ACSM1: variants seen among roughly 807,000 people sequenced by gnomAD.
ACSM1 encodes acyl-coenzyme A synthetase ACSM1, mitochondrial.
A neutral mutation model predicts 75.8 loss-of-function variants in ACSM1; 79 were observed. The observed-to-expected ratio is 1.04, with a 90% CI of 0.87 to 1.26. The LOEUF is 1.26. Ranked by LOEUF, ACSM1 falls within the 50% of genes most tolerant of loss-of-function variation. The pLI is 0.00. For synonymous variants in ACSM1, 279 were observed against 265.8 expected (o/e 1.05, Z -0.48); for missense variants, 676 against 720.1 (o/e 0.94, Z 0.70).
At position 20,627,407 on chromosome 16, in the gene ACSM1, C is replaced by T. The variant is rs2017009203; in HGVS notation, c.1300-91G>A. The stretch of plus-strand genomic sequence containing the variant: ...GGTTCCAATCTGGGTTTGAATTCTG[C>T]CTCTGTTTCTACTCGGTACCTGGGC... On this transcript the variant is annotated intron_variant, in intron 10 of 13. Coordinates refer to ENST00000520010, the MANE Select transcript of ACSM1 (RefSeq NM_001318890.3). 2.1e-6 allele frequency: 3 copies of T among 1,414,876 alleles called. No homozygotes were observed. In the South Asian group the frequency reaches 5.1e-5, roughly 24 times the overall value. 87.6% of individuals were successfully genotyped at this position (1,414,876 alleles called of 1,614,324 possible). A position where few individuals can be genotyped will look rare whatever the true frequency, so the allele number is the denominator to read the frequency against.
chr16:20,635,098 A>C (rs1409028585), intron 10 of ACSM1, among the ~76,000 whole-genome samples: 2 of 148,290 alleles, frequency 1.3e-5, no homozygotes, highest in Admixed American at 1.4e-4. Context: ...TGTCATGCTC[A>C]ATCAAAAAAA....
intron 7 of ACSM1, among the ~76,000 whole-genome samples, chr16:20,652,592 AT>A (rs1330412214): frequency 6.6e-6 from 1 of 152,204 alleles, no homozygotes; most frequent in Non-Finnish European, 1.5e-5. Context: ...TACCACAGAA[AT>A]ACAAACTACC....
intron 10 of ACSM1, among the ~76,000 whole-genome samples, chr16:20,627,727 G>A (rs977339302): frequency 6.6e-6 from 1 of 151,516 alleles, no homozygotes; most frequent in African/African-American, 2.4e-5. Flanking sequence ...TACTGGGGAG[G>A]CTGAGGCAGG....
intron 8 of ACSM1, among the ~76,000 whole-genome samples, chr16:20,637,848 G>T (rs2017817291): frequency 6.6e-6 from 1 of 152,228 alleles, no homozygotes. Flanking sequence ...ACTTGGGGCT[G>T]TTGAGCAGTG....
At chr16:20,637,233 A>G in intron 9 of ACSM1, 138 bp downstream of exon 9, 1 of 823,672 alleles carries the variant, frequency 1.2e-6, no homozygotes, top group Non-Finnish European at 2.1e-6. Flanking sequence ...CCTCCATATG[A>G]AACTGAAGGG....
chr16:20,681,855 A>G (rs973414148), intron 4 of ACSM1: 51 of 157,210 alleles, frequency 3.2e-4, no homozygotes, highest in African/African-American at 1.2e-3. Flanking sequence ...TTCCGTCTGT[A>G]GCTAGTGAGC....
intron 5 of ACSM1, among the ~76,000 whole-genome samples, chr16:20,671,295 G>A (rs1253547869): frequency 2.6e-5 from 4 of 152,038 alleles, no homozygotes; most frequent in African/African-American, 7.3e-5. Context: ...AAACCTAAAT[G>A]TGCCTCCTTT....
chr16:20,669,189 C>T lies in ACSM1; in HGVS notation c.912+638G>A, dbSNP rs766327677. 5.9e-5 allele frequency among the ~76,000 whole-genome samples: 9 copies of T among 152,064 alleles called. No individual in the cohort carries two copies. In the South Asian group the frequency reaches 8.3e-4, roughly 14 times the overall value. On this transcript the variant is annotated intron_variant, in intron 6 of 13. Transcript: ENST00000520010. ...CTCATCATAACAATAGCAGCAGCAG[C>T]TCCCACAGATAGAGTGTTTTCTATG...
At chr16:20,633,784 C>T (rs2017492074) in intron 10 of ACSM1, among the ~76,000 whole-genome samples, 3 of 152,148 alleles carry the variant, frequency 2.0e-5, no homozygotes, top group African/African-American at 7.2e-5. Context: ...AATCCCAGCA[C>T]TTTGGGAAGC....
In ACSM1 at chr16:20,683,701, TTCTC is replaced by T. The variant is rs1201861529; in HGVS notation, c.404-1242_404-1239del. ...CACGCCTGGCTAATTCTTTCTTTCTTTCTCTCTCTCTCTCTCTTTCTTTCTTTCT... is the reference window on the plus strand; with the variant it reads ...CACGCCTGGCTAATTCTTTCTTTCTTTCTCTCTCTCTCTTTCTTTCTTTCT... On this transcript the variant is annotated intron_variant, in intron 3 of 13. Coordinates refer to ENST00000520010, the MANE Select transcript of ACSM1 (RefSeq NM_001318890.3). Among the ~76,000 whole-genome samples, 4 of 65,422 alleles carry T rather than the reference TTCTC, an allele frequency of 6.1e-5. No homozygotes were observed. In the East Asian group the frequency reaches 1.3e-3, roughly 21 times the overall value. 42.9% of individuals were successfully genotyped at this position (65,422 alleles called of 152,430 possible). A position where few individuals can be genotyped will look rare whatever the true frequency, so the allele number is the denominator to read the frequency against.
intron 7 of ACSM1, among the ~76,000 whole-genome samples, chr16:20,646,680 C>T (rs893706914): frequency 6.6e-6 from 1 of 152,154 alleles, no homozygotes; most frequent in Non-Finnish European, 1.5e-5. Flanking sequence ...TAGGGAGAGA[C>T]ATCCTAGCAA....
intron 7 of ACSM1, among the ~76,000 whole-genome samples, chr16:20,647,515 G>C (rs1192221511): frequency 6.6e-6 from 1 of 152,094 alleles, no homozygotes; most frequent in African/African-American, 2.4e-5. Flanking sequence ...CTTGTAAAAG[G>C]GAAAGGGGAG....
chr16:20,650,420 AG>A (rs1240690943), intron 7 of ACSM1, among the ~76,000 whole-genome samples: 1 of 152,120 alleles, frequency 6.6e-6, no homozygotes, highest in African/African-American at 2.4e-5. Context: ...CACAACGTGC[AG>A]CGGCCCTACA....
At chr16:20,644,879 T>A (rs1402632301) in intron 7 of ACSM1, among the ~76,000 whole-genome samples, 2 of 152,250 alleles carry the variant, frequency 1.3e-5, no homozygotes, top group Non-Finnish European at 2.9e-5. Flanking sequence ...CTTCCTTATG[T>A]CTAGTCCATA....
At chr16:20,681,360 T>C (rs2079442516) in intron 4 of ACSM1, 2 of 152,338 alleles carry the variant, frequency 1.3e-5, no homozygotes, top group Non-Finnish European at 2.9e-5. Flanking sequence ...GGCCGGGTTG[T>C]CATGGAAATC....
At chr16:20,674,991 C>A (rs541846377) in intron 4 of ACSM1, among the ~76,000 whole-genome samples, 1 of 152,236 alleles carries the variant, frequency 6.6e-6, no homozygotes, top group South Asian at 2.1e-4. Context: ...GAAAGTGGTT[C>A]ACTGGTGGAG....
chr16:20,650,503 A>C (rs973821975), intron 7 of ACSM1, among the ~76,000 whole-genome samples: 4 of 152,030 alleles, frequency 2.6e-5, no homozygotes, highest in African/African-American at 9.7e-5. Flanking sequence ...ATTACCCAGC[A>C]TTTTGAGCCC....
Position 20,625,320 on chromosome 16 carries a change from A to G in ACSM1, c.1527+103T>C, listed in dbSNP as rs1410211327. On this transcript the variant is annotated intron_variant, in intron 12 of 13. Coordinates refer to ENST00000520010, the MANE Select transcript of ACSM1 (RefSeq NM_001318890.3). ...TACCGTGTAAACGCACATGCACACT[A>G]TGCCCTTCCACCAAGGCTGCACAGG... 6.3e-6 allele frequency: 7 copies of G among 1,116,308 alleles called. No homozygotes were observed. In the East Asian group the frequency reaches 1.5e-4, roughly 25 times the overall value. 69.2% of individuals were successfully genotyped at this position (1,116,308 alleles called of 1,614,324 possible). A position where few individuals can be genotyped will look rare whatever the true frequency, so the allele number is the denominator to read the frequency against.
intron 10 of ACSM1, 53 bp downstream of exon 10, chr16:20,636,686 G>T: frequency 7.5e-7 from 1 of 1,324,908 alleles, no homozygotes; most frequent in Non-Finnish European, 1.1e-6. Flanking sequence ...AGGATGCAGA[G>T]CTCCCTGTTG....
Sources: allele counts gnomAD v4.1 joint callset (sites outside exome capture counted in the v4.1 genomes callset), GRCh38; gene constraint gnomAD v4.1.1; transcripts MANE v1.5; gene names NCBI Gene and HGNC (gene_info 2026-07-23, HGNC 2026-07-21).